Variants in EFR3B observed in about 807,000 individuals in gnomAD.
The protein encoded by EFR3B is protein EFR3 homolog B.
A neutral mutation model predicts 104.7 loss-of-function variants in EFR3B; 64 were observed. The observed-to-expected ratio is 0.61, with a 90% CI of 0.50 to 0.75. The LOEUF (loss-of-function observed/expected upper bound fraction) is 0.75, where lower values mean the gene tolerates loss of function less well. Among genes scored for constraint, EFR3B ranks in the 30% least tolerant of loss-of-function variants. The probability of loss-of-function intolerance (pLI) is 0.00; values close to 1 mark genes in which losing one functional copy is unlikely to be tolerated. For missense variants in EFR3B, 750 were observed against 1,078.5 expected, an observed-to-expected ratio of 0.70 and a Z score of 4.27; for synonymous variants, 385 against 417.9, an observed-to-expected ratio of 0.92 and a Z score of 0.96.
At chr2:25,047,434 G>T (rs946811204) in intron 1 of EFR3B, among the ~76,000 whole-genome samples, 1 of 152,092 alleles carries the variant, frequency 6.6e-6, no homozygotes, top group African/African-American at 2.4e-5. Flanking sequence ...GGATAAGAGA[G>T]CTGCCCCCAC....
chr2:25,107,456 C>G (rs1669597719), intron 4 of EFR3B, among the ~76,000 whole-genome samples: 1 of 152,146 alleles, frequency 6.6e-6, no homozygotes, highest in Non-Finnish European at 1.5e-5. Flanking sequence ...GGAAACCTAC[C>G]AATTCCCAGG....
intron 1 of EFR3B, among the ~76,000 whole-genome samples, chr2:25,084,456 C>T (rs909542077): frequency 1.3e-5 from 2 of 152,094 alleles, no homozygotes; most frequent in East Asian, 3.9e-4. Context: ...CCAGGCTGGT[C>T]TCGAACTCCT....
At chr2:25,121,405 G>T (rs1216366901) in intron 4 of EFR3B, among the ~76,000 whole-genome samples, 1 of 152,148 alleles carries the variant, frequency 6.6e-6, no homozygotes, top group Non-Finnish European at 1.5e-5. Flanking sequence ...GCTTCTGTGA[G>T]CCCTTTCATG....
At chr2:25,108,556 C>T (rs1669629856) in intron 4 of EFR3B, among the ~76,000 whole-genome samples, 1 of 152,026 alleles carries the variant, frequency 6.6e-6, no homozygotes, top group Non-Finnish European at 1.5e-5. Flanking sequence ...GATCAAAGCC[C>T]TAAATGTAAG....
In EFR3B at chr2:25,042,340, G is replaced by T. The variant is rs1667595375; in HGVS notation, c.7+21G>T. ...GTACGGTAAGGAGGGCTCCGCGCCC[G>T]GGCCCGGGCCCGCGGGGGCGACTCC... On this transcript the variant is annotated intron_variant, in intron 1 of 22. Transcript: ENST00000403714. The surrounding 1 kb of genome is among the most constrained non-coding windows in gnomAD (Gnocchi z 5.4). 1 of 1,258,542 alleles carries T rather than the reference G, an allele frequency of 7.9e-7. No individual in the cohort carries two copies. The highest frequency in any genetic ancestry group is 1.0e-6 in the Non-Finnish European group (1 of 1,000,490). 78.0% of individuals were successfully genotyped at this position (1,258,542 alleles called of 1,614,324 possible).
Position 25,042,163 on chromosome 2 carries a change from C to A in EFR3B, c.-150C>A. On this transcript the variant is annotated 5_prime_UTR_variant, in exon 1 of 23. Coordinates refer to ENST00000403714, the MANE Select transcript of EFR3B (RefSeq NM_014971.2). The surrounding 1 kb of genome is among the most constrained non-coding windows in gnomAD (Gnocchi z 5.4). ...CGCCCGGCTCCGTCCTGCCCGCGGCCGGCCCCCGCGTCTGCTCCCTCCCCG... is the reference window on the plus strand; with the variant it reads ...CGCCCGGCTCCGTCCTGCCCGCGGCAGGCCCCCGCGTCTGCTCCCTCCCCG... The A allele has an allele frequency of 2.7e-6, 2 of 735,034 alleles. No individual in the cohort carries two copies. The highest frequency in any genetic ancestry group is 3.7e-6 in the Non-Finnish European group (2 of 547,054). 45.5% of individuals were successfully genotyped at this position (735,034 alleles called of 1,614,324 possible). A position where few individuals can be genotyped will look rare whatever the true frequency, so the allele number is the denominator to read the frequency against.
chr2:25,142,812 G>A (rs1670708843), intron 17 of EFR3B, among the ~76,000 whole-genome samples: 1 of 151,568 alleles, frequency 6.6e-6, no homozygotes, highest in African/African-American at 2.4e-5. Flanking sequence ...CAGGTATGGT[G>A]GAGCGTACCT....
At position 25,124,523 on chromosome 2, in the gene EFR3B, G is replaced by A. The variant is rs578062878; in HGVS notation, c.485+2729G>A. Among the ~76,000 whole-genome samples, 36 of 151,722 alleles carry A rather than the reference G, an allele frequency of 2.4e-4. 1 individual carries two copies. Among genetic ancestry groups the A allele is most frequent in the Admixed American group, 3.3e-4 (5 of 15,214 alleles). On this transcript the variant is annotated intron_variant, in intron 5 of 22. Coordinates refer to ENST00000403714, the MANE Select transcript of EFR3B (RefSeq NM_014971.2). ...GGGCGGATCACAAGGTCAGGAGATT[G>A]AGATGGAGACCATCCTGGCTAACAC...
At position 25,081,977 on chromosome 2, in the gene EFR3B, G is replaced by A. The variant is rs546060710; in HGVS notation, c.8-9348G>A. 3.3e-5 allele frequency among the ~76,000 whole-genome samples: 5 copies of A among 152,304 alleles called. No individual in the cohort carries two copies. The South Asian group carries it at 1.0e-3, about 32-fold the overall frequency. Reference sequence around the variant, plus strand: ...AGTAGAGGGCAGCTCTGATCAAGGGGACAGCTCAGTCAGGCAAACAGGATC... The same window carrying A: ...AGTAGAGGGCAGCTCTGATCAAGGGAACAGCTCAGTCAGGCAAACAGGATC... On this transcript the variant is annotated intron_variant, in intron 1 of 22. Coordinates refer to ENST00000403714, the MANE Select transcript of EFR3B (RefSeq NM_014971.2).
In EFR3B at chr2:25,130,230, C is replaced by T. The variant is rs954597951; in HGVS notation, c.770+121C>T. ...TACAGTTGTGGTGCCGCAGCCGAGTCGATCCCTTCCCTGTGCCTGTGTTCC... is the reference window on the plus strand; with the variant it reads ...TACAGTTGTGGTGCCGCAGCCGAGTTGATCCCTTCCCTGTGCCTGTGTTCC... On this transcript the variant is annotated intron_variant, in intron 7 of 22. Coordinates refer to ENST00000403714, the MANE Select transcript of EFR3B (RefSeq NM_014971.2). The surrounding 1 kb of genome is among the most constrained non-coding windows in gnomAD (Gnocchi z 4.6). 18 of 1,419,210 alleles carry T rather than the reference C, an allele frequency of 1.3e-5. No individual in the cohort carries two copies. The highest frequency in any genetic ancestry group is 2.7e-5 in the South Asian group (2 of 73,398). 87.9% of individuals were successfully genotyped at this position (1,419,210 alleles called of 1,614,324 possible). A position where few individuals can be genotyped will look rare whatever the true frequency, so the allele number is the denominator to read the frequency against.
chr2:25,149,508 G>A lies in EFR3B; in HGVS notation c.2143-186G>A, dbSNP rs79070687. On this transcript the variant is annotated intron_variant, in intron 19 of 22. Transcript: ENST00000403714. ...GGAATGAGCTTCCCCGCTGCATCTC[G>A]CTGTCCTCTGTGCCTGCTCAGGGAG... is the stretch of plus-strand genomic sequence containing the variant. Among the ~76,000 whole-genome samples the A allele has an allele frequency of 3.3e-3, 495 of 152,224 alleles. 16 individuals carry two copies. In the East Asian group the frequency reaches 0.076, roughly 23 times the overall value.
At chr2:25,141,649 T>C (rs553623652) in intron 17 of EFR3B, among the ~76,000 whole-genome samples, 51 of 152,354 alleles carry the variant, frequency 3.3e-4, no homozygotes, top group Admixed American at 1.7e-3. Flanking sequence ...TGCTGAGCCA[T>C]GTTTGCAGAT....
intron 17 of EFR3B, among the ~76,000 whole-genome samples, chr2:25,141,908 A>C (rs1670677280): frequency 6.6e-6 from 1 of 152,272 alleles, no homozygotes; most frequent in Admixed American, 6.5e-5. Context: ...ACAATGTTTT[A>C]GAAGAATATT....
At position 25,107,316 on chromosome 2, in the gene EFR3B, C is replaced by G. The variant is rs543421074; in HGVS notation, c.363+3529C>G. Among the ~76,000 whole-genome samples the G allele has an allele frequency of 2.0e-3, 300 of 152,288 alleles. 1 individual carries two copies. The highest frequency in any genetic ancestry group is 3.6e-3 in the Non-Finnish European group (244 of 68,020). On this transcript the variant is annotated intron_variant, in intron 4 of 22. Coordinates refer to ENST00000403714, the MANE Select transcript of EFR3B (RefSeq NM_014971.2). Reference sequence around the variant, plus strand: ...AAAGCCTCACCCTGAGCCCACTCTGCCTCCCTGTAGCTTTTCCCTCAGACC... The same window carrying G: ...AAAGCCTCACCCTGAGCCCACTCTGGCTCCCTGTAGCTTTTCCCTCAGACC...
intron 3 of EFR3B, among the ~76,000 whole-genome samples, chr2:25,102,238 G>A (rs1181532149): frequency 6.6e-6 from 1 of 152,214 alleles, no homozygotes; most frequent in Non-Finnish European, 1.5e-5. Flanking sequence ...TTGAGGAGCT[G>A]GAGGTAGGAG....
At chr2:25,126,128 C>T (rs956962065) in intron 5 of EFR3B, among the ~76,000 whole-genome samples, 5 of 152,212 alleles carry the variant, frequency 3.3e-5, no homozygotes, top group East Asian at 1.9e-4. Flanking sequence ...CATTCTCCTG[C>T]GGCTTGCGCA....
Position 25,153,717 on chromosome 2 carries a change from G to C in EFR3B, c.2304G>C (p.Ser768=). 6.4e-7 allele frequency: 1 copy of C among 1,551,654 alleles called. No homozygotes were observed. The highest frequency in any genetic ancestry group is 8.7e-7 in the Non-Finnish European group (1 of 1,146,980). The stretch of plus-strand genomic sequence containing the variant: ...TTCCGTGTGTTTGTGTCTAGGCATC[G>C]CTGCTCCAGAGCAAACTCAATCAGA... ...EIAAHCGARA[S]LLQSKLNQIF... is the part of the protein sequence containing the mutation. The change falls in exon 22 of 23, where the codon TCG becomes TCC. Residue 768 remains serine (S), a synonymous_variant. Coordinates refer to ENST00000403714, the MANE Select transcript of EFR3B (RefSeq NM_014971.2).
At chr2:25,096,912 A>AT (rs1669295834) in intron 3 of EFR3B, among the ~76,000 whole-genome samples, 1 of 152,236 alleles carries the variant, frequency 6.6e-6, no homozygotes, top group Admixed American at 6.5e-5. Flanking sequence ...TTCTGTGATC[A>AT]TTTTATATAA....
chr2:25,057,783 C>CAAAAAAAAAA (rs11378748), intron 1 of EFR3B, among the ~76,000 whole-genome samples: 2 of 138,636 alleles, frequency 1.4e-5, no homozygotes, highest in Non-Finnish European at 1.5e-5. Context: ...AAAACTCCGT[C>CAAAAAAAAAA]AAAAAAAAAA....
Sources: allele counts gnomAD v4.1 joint callset (sites outside exome capture counted in the v4.1 genomes callset), GRCh38; gene constraint gnomAD v4.1.1; non-coding constraint Gnocchi (gnomAD v3.1); transcripts MANE v1.5; gene names NCBI Gene and HGNC (gene_info 2026-07-23, HGNC 2026-07-21).